The following VTI1A variants were observed in gnomAD, a reference collection of about 807,000 sequenced individuals.
The protein encoded by VTI1A is vesicle transport through interaction with t-SNAREs 1A, also known as vesicle transport through interaction with t-SNAREs homolog 1A.
In VTI1A, 22 loss-of-function variants were observed where a neutral mutation model predicts 34.9. The observed-to-expected ratio is 0.63, with a 90% CI of 0.45 to 0.90. The LOEUF is 0.90. Among genes scored for constraint, VTI1A ranks in the 40% least tolerant of loss-of-function variants. VTI1A has a pLI of 0.00. For missense variants in VTI1A, 268 were observed against 275.6 expected (o/e 0.97, Z 0.20); for synonymous variants, 87 against 97.3 (o/e 0.89, Z 0.62).
At chr10:112,794,658 G>A (rs562954909) in intron 7 of VTI1A, among the ~76,000 whole-genome samples, 17 of 152,154 alleles carry the variant, frequency 1.1e-4, no homozygotes, top group Non-Finnish European at 2.2e-4. Context: ...TCCGATTTCT[G>A]TTTTACATTT....
At chr10:112,644,128 C>A (rs1846685536) in intron 5 of VTI1A, among the ~76,000 whole-genome samples, 2 of 152,218 alleles carry the variant, frequency 1.3e-5, no homozygotes, top group Admixed American at 6.5e-5. Flanking sequence ...GTGCACCTGG[C>A]AACCCAGCAC....
intron 1 of VTI1A, among the ~76,000 whole-genome samples, chr10:112,451,641 A>C (rs887882610): frequency 1.3e-5 from 2 of 152,222 alleles, no homozygotes; most frequent in African/African-American, 4.8e-5. Flanking sequence ...CCTTTCTGGA[A>C]GGAAATGCCT....
intron 5 of VTI1A, among the ~76,000 whole-genome samples, chr10:112,635,153 G>A (rs1013917888): frequency 2.6e-5 from 4 of 152,172 alleles, no homozygotes; most frequent in Non-Finnish European, 4.4e-5. Context: ...CATTATTTGG[G>A]GGGAATAAAA....
rs372565219 is a variant in VTI1A at position 112,592,348 on chromosome 10, T to C, written c.427+54018T>C. On this transcript the variant is annotated intron_variant, in intron 5 of 7. Transcript: ENST00000393077. Reference sequence around the variant, plus strand: ...CATCTGTTACAGCAACAACAAGAAATGAAGACATGGATCCAAAATGCCCTT... The same window carrying C: ...CATCTGTTACAGCAACAACAAGAAACGAAGACATGGATCCAAAATGCCCTT... Among the ~76,000 whole-genome samples the C allele has an allele frequency of 5.3e-5, 8 of 152,256 alleles. No individual in the cohort carries two copies. In the East Asian group the frequency reaches 1.3e-3, roughly 26 times the overall value.
intron 7 of VTI1A, among the ~76,000 whole-genome samples, chr10:112,806,173 T>C (rs1033693650): frequency 2.0e-5 from 3 of 152,152 alleles, no homozygotes; most frequent in Non-Finnish European, 4.4e-5. Context: ...GTCCCTCAGG[T>C]CTCTCGGATG....
intron 5 of VTI1A, among the ~76,000 whole-genome samples, chr10:112,615,904 A>G (rs1433581111): frequency 6.6e-6 from 1 of 152,164 alleles, no homozygotes; most frequent in African/African-American, 2.4e-5. Flanking sequence ...GAATGTGCCT[A>G]GAGGCAGAGA....
At chr10:112,571,786 C>G (rs1852133440) in intron 5 of VTI1A, among the ~76,000 whole-genome samples, 2 of 152,166 alleles carry the variant, frequency 1.3e-5, no homozygotes, top group South Asian at 4.1e-4. Flanking sequence ...TGTATACGTA[C>G]ACTGTGGAAT....
chr10:112,689,717 G>A (rs899337334), intron 7 of VTI1A, among the ~76,000 whole-genome samples: 1 of 151,726 alleles, frequency 6.6e-6, no homozygotes, highest in Non-Finnish European at 1.5e-5. Flanking sequence ...GGCCACAAGT[G>A]GCCTACAGAT....
intron 7 of VTI1A, among the ~76,000 whole-genome samples, chr10:112,771,914 T>C (rs1200931659): frequency 1.3e-5 from 2 of 152,250 alleles, no homozygotes; most frequent in Non-Finnish European, 2.9e-5. Flanking sequence ...TAGTATTCCA[T>C]TGTACGGATA....
At chr10:112,795,360 G>A (rs1251381782) in intron 7 of VTI1A, among the ~76,000 whole-genome samples, 5 of 151,148 alleles carry the variant, frequency 3.3e-5, no homozygotes, top group African/African-American at 7.3e-5. Flanking sequence ...TAGGATAGTA[G>A]AAGTCACTAA....
At chr10:112,591,296 G>A (rs1003033151) in intron 5 of VTI1A, among the ~76,000 whole-genome samples, 4 of 152,134 alleles carry the variant, frequency 2.6e-5, no homozygotes, top group African/African-American at 9.7e-5. Context: ...CGAGGCAGGC[G>A]GATCATGAGG....
chr10:112,713,790 C>T (rs1033923), intron 7 of VTI1A, among the ~76,000 whole-genome samples: 151,726 of 152,360 alleles, frequency 1, 75,553 homozygotes, highest in Non-Finnish European at 1. Context: ...AGGAAAATTG[C>T]AAGAAGCATA....
At chr10:112,770,167 A>AT (rs1851764663) in intron 7 of VTI1A, among the ~76,000 whole-genome samples, 3 of 151,850 alleles carry the variant, frequency 2.0e-5, no homozygotes, top group African/African-American at 7.3e-5. Context: ...CACTCGTATT[A>AT]TGTGTTTGAC....
chr10:112,546,015 T>C (rs56342882), intron 5 of VTI1A, among the ~76,000 whole-genome samples: 14,593 of 135,440 alleles, frequency 0.11, 1,219 homozygotes, highest in Non-Finnish European at 0.14. Flanking sequence ...TATGTGTGTG[T>C]ATATACGTGT....
chr10:112,782,468 T>C (rs968395495), intron 7 of VTI1A, among the ~76,000 whole-genome samples: 1 of 152,264 alleles, frequency 6.6e-6, no homozygotes, highest in Non-Finnish European at 1.5e-5. Context: ...TTCCAAGGCC[T>C]TCTGAGTGAA....
chr10:112,687,802 A>T (rs895149160), intron 7 of VTI1A, among the ~76,000 whole-genome samples: 2 of 152,092 alleles, frequency 1.3e-5, no homozygotes, highest in African/African-American at 2.4e-5. Context: ...CATCAGCATG[A>T]CTAAAGCTGA....
chr10:112,809,806 T>A (rs1290262479), intron 7 of VTI1A, among the ~76,000 whole-genome samples: 2 of 152,184 alleles, frequency 1.3e-5, no homozygotes, highest in Admixed American at 1.3e-4. Context: ...AAATTCGGAC[T>A]GTGGAAGGTC....
intron 1 of VTI1A, chr10:112,449,967 T>G (rs1232407361): frequency 6.6e-6 from 1 of 151,994 alleles, no homozygotes; most frequent in Non-Finnish European, 1.5e-5. Flanking sequence ...TGGCGCAATC[T>G]CAGCTCATTG....
chr10:112,789,490 C>T (rs1021608656), intron 7 of VTI1A, among the ~76,000 whole-genome samples: 1 of 152,200 alleles, frequency 6.6e-6, no homozygotes, highest in Non-Finnish European at 1.5e-5. Context: ...TGTCAGCCAT[C>T]ATTTCTACCA....
Sources: gnomAD v4.1 joint callset for allele counts (sites outside exome capture counted in the v4.1 genomes callset) on GRCh38, gnomAD v4.1.1 for gene constraint, MANE v1.5 for transcripts, NCBI Gene and HGNC (gene_info 2026-07-23, HGNC 2026-07-21) for gene names.